GLT8D2: variants seen among roughly 807,000 people sequenced by gnomAD.
The protein encoded by GLT8D2 is glycosyltransferase 8 domain-containing protein 2.
In GLT8D2, 45 loss-of-function variants were observed where a neutral mutation model predicts 44.5. The ratio of observed to expected loss-of-function variants is 1.01; its 90% CI spans 0.80 to 1.30. GLT8D2 has a LOEUF of 1.30. Among genes scored for constraint, GLT8D2 ranks in the 50% most tolerant of loss-of-function variants. The pLI, the probability that GLT8D2 is intolerant of heterozygous loss-of-function variation, is 0.00. For missense variants in GLT8D2, 400 were observed against 430.4 expected, an observed-to-expected ratio of 0.93 and a Z score of 0.62; for synonymous variants, 156 against 157.2, an observed-to-expected ratio of 0.99 and a Z score of 0.06.
At chr12:104,044,057 C>T (rs1490948165) in intron 1 of GLT8D2, among the ~76,000 whole-genome samples, 1 of 152,172 alleles carries the variant, frequency 6.6e-6, no homozygotes. Flanking sequence ...CAAGGCCTTC[C>T]TGTCTCTCTC....
rs1877791365 is a variant in GLT8D2, at chr12:104,021,930, GAAGAAGAAGAAGAAGAAGAAGAAGAGGAA to G, written c.-163-468_-163-440del. On this transcript the variant is annotated intron_variant, in intron 1 of 10. Transcript: ENST00000360814. ...AGAAGAAGAAGAAGAAGAAGAAGAA[GAAGAAGAAGAAGAAGAAGAAGAAGAGGAA>G]GAAGAGGAAGAGGAAGAGGAAGAGG... 2.2e-3 allele frequency among the ~76,000 whole-genome samples: 55 copies of G among 24,726 alleles called. 3 individuals carry two copies. Among genetic ancestry groups the G allele is most frequent in the South Asian group, 0.02 (10 of 512 alleles). The allele number at this position is 24,726 out of a possible 152,430, so 16.2% of individuals were successfully genotyped here. A position where few individuals can be genotyped will look rare whatever the true frequency, so the allele number is the denominator to read the frequency against.
At chr12:104,059,666 A>ACATTGGGGG (rs1555283436) in intron 1 of GLT8D2, among the ~76,000 whole-genome samples, 1 of 87,074 alleles carries the variant, frequency 1.1e-5, no homozygotes. Context: ...AGGAGAGCAG[A>ACATTGGGGG]TCTTGAAGGA....
chr12:104,056,444 A>C (rs1882190464), intron 1 of GLT8D2, among the ~76,000 whole-genome samples: 2 of 152,252 alleles, frequency 1.3e-5, no homozygotes, highest in African/African-American at 4.8e-5. Flanking sequence ...CTCCAGCACC[A>C]GATTCTCACT....
At chr12:104,028,138 G>A (rs1469273952) in intron 1 of GLT8D2, among the ~76,000 whole-genome samples, 1 of 152,180 alleles carries the variant, frequency 6.6e-6, no homozygotes, top group African/African-American at 2.4e-5. Flanking sequence ...ATAATCGCAT[G>A]CCAATTGCAA....
chr12:104,019,620 G>A lies in GLT8D2; in HGVS notation c.19+10C>T. On this transcript the variant is annotated intron_variant, in intron 3 of 10. Coordinates refer to ENST00000360814, the MANE Select transcript of GLT8D2 (RefSeq NM_001384711.1). Reference sequence around the variant, plus strand: ...TTTTAAATCATTATTTTCAAAAGTTGAAATCTTACTTTTTCGTAACAGAGC... The same window carrying A: ...TTTTAAATCATTATTTTCAAAAGTTAAAATCTTACTTTTTCGTAACAGAGC... 1.9e-6 allele frequency: 3 copies of A among 1,604,190 alleles called. No individual in the cohort carries two copies. Among genetic ancestry groups the A allele is most frequent in the Non-Finnish European group, 2.6e-6 (3 of 1,172,132 alleles).
intron 1 of GLT8D2, among the ~76,000 whole-genome samples, chr12:104,040,733 G>C (rs1327184758): frequency 6.6e-6 from 1 of 151,980 alleles, no homozygotes; most frequent in Non-Finnish European, 1.5e-5. Context: ...CTAACAAATT[G>C]AAAAATTAAG....
intron 1 of GLT8D2, among the ~76,000 whole-genome samples, chr12:104,062,463 G>T (rs1882744991): frequency 6.6e-6 from 1 of 152,178 alleles, no homozygotes; most frequent in African/African-American, 2.4e-5. Context: ...GTTTAAGGGA[G>T]TTGGGTGAAT....
chr12:104,060,935 A>G (rs1268038155), intron 1 of GLT8D2, among the ~76,000 whole-genome samples: 1 of 152,116 alleles, frequency 6.6e-6, no homozygotes, highest in Non-Finnish European at 1.5e-5. Flanking sequence ...AAAGAAAAAA[A>G]AAAAAGAAGA....
intron 4 of GLT8D2, among the ~76,000 whole-genome samples, chr12:104,003,826 G>T (rs1874579405): frequency 6.6e-6 from 1 of 152,274 alleles, no homozygotes; most frequent in South Asian, 2.1e-4. Context: ...TGTCGCTATT[G>T]AAACCATACC....
chr12:104,063,772 TGAAAGGGAGATAACAG>T (rs1368232868), intron 1 of GLT8D2, among the ~76,000 whole-genome samples: 1 of 151,970 alleles, frequency 6.6e-6, no homozygotes, highest in African/African-American at 2.4e-5. Flanking sequence ...TCCCCGTCCA[TGAAAGGGAGATAACAG>T]GAGCCACCAC....
At chr12:104,030,275 T>A (rs1420647379) in intron 1 of GLT8D2, among the ~76,000 whole-genome samples, 1 of 152,106 alleles carries the variant, frequency 6.6e-6, no homozygotes, top group Non-Finnish European at 1.5e-5. Context: ...CTTTAGTAAG[T>A]GGTGCTGGGA....
At chr12:104,025,559 G>A (rs1176222612) in intron 1 of GLT8D2, among the ~76,000 whole-genome samples, 2 of 151,958 alleles carry the variant, frequency 1.3e-5, no homozygotes, top group Non-Finnish European at 2.9e-5. Context: ...ATAAATTTTG[G>A]CCTAACCTAA....
intron 1 of GLT8D2, among the ~76,000 whole-genome samples, chr12:104,021,930 GAAGAA>G (rs1877788339): frequency 2.4e-4 from 6 of 24,734 alleles, no homozygotes; most frequent in African/African-American, 5.9e-4. Flanking sequence ...AGAAGAAGAA[GAAGAA>G]GAAGAAGAAG....
chr12:104,036,374 TAA>T (rs1261859944), intron 1 of GLT8D2, among the ~76,000 whole-genome samples: 1 of 152,028 alleles, frequency 6.6e-6, no homozygotes, highest in Non-Finnish European at 1.5e-5. Context: ...GCAAATTGGA[TAA>T]AGAGTCAAGA....
chr12:104,035,624 G>A (rs1444484801), intron 1 of GLT8D2, among the ~76,000 whole-genome samples: 1 of 152,138 alleles, frequency 6.6e-6, no homozygotes, highest in Non-Finnish European at 1.5e-5. Context: ...AAAGAAAAAA[G>A]AGTAAAAAGA....
At chr12:104,040,915 T>C (rs929503999) in intron 1 of GLT8D2, among the ~76,000 whole-genome samples, 1 of 152,212 alleles carries the variant, frequency 6.6e-6, no homozygotes, top group Non-Finnish European at 1.5e-5. Context: ...TCAGCACTGT[T>C]TTCTGGCAAG....
intron 1 of GLT8D2, among the ~76,000 whole-genome samples, chr12:104,024,565 C>T (rs570902545): frequency 8.5e-5 from 13 of 152,078 alleles, no homozygotes; most frequent in African/African-American, 1.4e-4. Flanking sequence ...TTGGTATTGC[C>T]GGTATTTTTT....
intron 6 of GLT8D2, among the ~76,000 whole-genome samples, chr12:103,997,914 TACACACACACACACACACAC>T (rs59719067): frequency 6.8e-6 from 1 of 146,056 alleles, no homozygotes; most frequent in Non-Finnish European, 1.5e-5. Context: ...CAGCCTTAAA[TACACACACACACACACACAC>T]ACACACACAC....
chr12:104,001,188 C>T (rs1219277762), intron 5 of GLT8D2, among the ~76,000 whole-genome samples: 2 of 152,146 alleles, frequency 1.3e-5, no homozygotes, highest in Non-Finnish European at 2.9e-5. Context: ...AACAATATGC[C>T]TTGGGAATCT....
Sources: gnomAD v4.1 joint callset for allele counts (sites outside exome capture counted in the v4.1 genomes callset) on GRCh38, gnomAD v4.1.1 for gene constraint, MANE v1.5 for transcripts, NCBI Gene and HGNC (gene_info 2026-07-23, HGNC 2026-07-21) for gene names.